The following SPICE1 variants were observed in gnomAD, a reference collection of about 807,000 sequenced individuals.
The protein encoded by SPICE1 is spindle and centriole-associated protein 1.
In SPICE1, 75 loss-of-function variants were observed where a neutral mutation model predicts 102.7. That is an observed-to-expected ratio of 0.73 (90% CI 0.61 to 0.88). The LOEUF is 0.88. Ranked by LOEUF, SPICE1 falls within the 40% of genes least tolerant of loss-of-function variation. The probability of loss-of-function intolerance (pLI) is 0.00; values close to 1 mark genes in which losing one functional copy is unlikely to be tolerated. For missense variants in SPICE1, 979 were observed against 1,020.1 expected (o/e 0.96, Z 0.55); for synonymous variants, 308 against 350.3 (o/e 0.88, Z 1.35).
intron 1 of SPICE1, among the ~76,000 whole-genome samples, chr3:113,509,041 T>C (rs1937167270): frequency 6.6e-6 from 1 of 152,108 alleles, no homozygotes; most frequent in East Asian, 1.9e-4. Flanking sequence ...AATAAGTAAA[T>C]CCACAGAGAC....
intron 7 of SPICE1, among the ~76,000 whole-genome samples, chr3:113,477,377 G>A (rs1936378187): frequency 6.6e-6 from 1 of 151,974 alleles, no homozygotes; most frequent in Non-Finnish European, 1.5e-5. Context: ...AGTCAGTGTG[G>A]CGATTCCTCA....
chr3:113,488,498 G>C (rs1936694775), intron 7 of SPICE1, among the ~76,000 whole-genome samples: 1 of 152,182 alleles, frequency 6.6e-6, no homozygotes, highest in Non-Finnish European at 1.5e-5. Context: ...AAGTAACTGA[G>C]GAATGGAAAA....
chr3:113,502,335 C>T (rs1937024608), intron 3 of SPICE1, among the ~76,000 whole-genome samples: 1 of 152,140 alleles, frequency 6.6e-6, no homozygotes, highest in Non-Finnish European at 1.5e-5. Flanking sequence ...GACATACATG[C>T]TACAACAGGG....
intron 17 of SPICE1, 93 bp from the exon 18 acceptor site, chr3:113,445,453 C>T: frequency 9.9e-7 from 1 of 1,006,024 alleles, no homozygotes; most frequent in Non-Finnish European, 1.5e-6. Context: ...GTGCATAAAA[C>T]AAAGTCATCC....
chr3:113,479,736 A>T (rs975961079), intron 7 of SPICE1, among the ~76,000 whole-genome samples: 2 of 152,226 alleles, frequency 1.3e-5, no homozygotes, highest in African/African-American at 4.8e-5. Flanking sequence ...ACCAGAATGT[A>T]TGGTACACAT....
At chr3:113,472,467 G>A (rs1004571842) in intron 7 of SPICE1, among the ~76,000 whole-genome samples, 13 of 152,344 alleles carry the variant, frequency 8.5e-5, no homozygotes, top group Admixed American at 1.3e-4. Flanking sequence ...ATCTGAGAAC[G>A]GGCAGATTGC....
intron 13 of SPICE1, among the ~76,000 whole-genome samples, chr3:113,456,769 C>T (rs1028561535): frequency 7.2e-5 from 11 of 152,120 alleles, no homozygotes; most frequent in South Asian, 4.1e-4. Context: ...TTCACCTTTC[C>T]TTAGTCTAAC....
Position 113,499,558 on chromosome 3 carries a change from A to G in SPICE1, c.172T>C (p.Ser58Pro). ...DLVRRHEIHK[S>P]KNRALVHWEL... ...CAGTGTACTAATGCTCTATTCTTCG[A>G]TTTGTGTATTTCATGACGGCGTACC... Residue 58 changes from serine (S) to proline (P), a missense_variant, in exon 4 of 18, where the codon TCG becomes CCG. By Grantham distance (74) the Ser-to-Pro change is moderately conservative. Transcript: ENST00000295872. 1 of 1,610,866 alleles carries G rather than the reference A, an allele frequency of 6.2e-7. No individual in the cohort carries two copies. The highest frequency in any genetic ancestry group is 8.5e-7 in the Non-Finnish European group (1 of 1,178,952).
chr3:113,457,380 A>G, intron 12 of SPICE1, 23 bp from the exon 13 acceptor site: 1 of 1,609,298 alleles, frequency 6.2e-7, no homozygotes, highest in Non-Finnish European at 8.5e-7. Context: ...AGAGGATATT[A>G]GTACAATAGG....
At chr3:113,475,498 C>G (rs1320558116) in intron 7 of SPICE1, among the ~76,000 whole-genome samples, 1 of 151,944 alleles carries the variant, frequency 6.6e-6, no homozygotes, top group Non-Finnish European at 1.5e-5. Context: ...GAATTTTAGA[C>G]CAATATCCTT....
intron 7 of SPICE1, among the ~76,000 whole-genome samples, chr3:113,478,955 ATCT>A (rs939187774): frequency 2.0e-5 from 3 of 152,008 alleles, no homozygotes; most frequent in Non-Finnish European, 2.9e-5. Context: ...TTTTTTTTAA[ATCT>A]TCTATTAGAC....
At chr3:113,486,236 C>A (rs1021215705) in intron 7 of SPICE1, among the ~76,000 whole-genome samples, 2 of 133,712 alleles carry the variant, frequency 1.5e-5, no homozygotes, top group African/African-American at 6.3e-5. Context: ...TATATATGCC[C>A]ACAAGAGAAA....
At chr3:113,455,182 A>T (rs1024385102) in intron 13 of SPICE1, among the ~76,000 whole-genome samples, 1 of 152,226 alleles carries the variant, frequency 6.6e-6, no homozygotes, top group Non-Finnish European at 1.5e-5. Flanking sequence ...AGTACTTTTT[A>T]AAAAACCATA....
chr3:113,473,901 A>G (rs930762424), intron 7 of SPICE1, among the ~76,000 whole-genome samples: 2 of 152,158 alleles, frequency 1.3e-5, no homozygotes, highest in Non-Finnish European at 2.9e-5. Context: ...TAATCAGCTA[A>G]CATCATAATG....
chr3:113,513,071 C>A (rs1033653691), intron 1 of SPICE1, among the ~76,000 whole-genome samples: 30 of 152,240 alleles, frequency 2.0e-4, no homozygotes, highest in African/African-American at 7.0e-4. Flanking sequence ...TATGGACAAA[C>A]AAACACACTG....
chr3:113,485,556 G>GA (rs1936625930), intron 7 of SPICE1, among the ~76,000 whole-genome samples: 1 of 151,658 alleles, frequency 6.6e-6, no homozygotes, highest in African/African-American at 2.4e-5. Context: ...AACATGTCTG[G>GA]AAAAAAAAGC....
rs778692837 is a variant in SPICE1 at position 113,445,327 on chromosome 3, G to A, written c.2548C>T (p.Leu850Phe). ...EKQNEEGWFA[L>F]STHVS ...TTCACTTATGATACATGGGTAGAAA[G>A]AGCAAACCAGCCTTCTTCATTCTGT... Residue 850 changes from leucine (L) to phenylalanine (F), a missense_variant, in exon 18 of 18, where the codon CTT becomes TTT. Physicochemically the swap from Leu to Phe is conservative, Grantham distance 22 (BLOSUM62 0). Coordinates refer to ENST00000295872, the MANE Select transcript of SPICE1 (RefSeq NM_144718.4). 8.1e-6 allele frequency: 13 copies of A among 1,612,692 alleles called. No homozygotes were observed. The highest frequency in any genetic ancestry group is 1.1e-5 in the Non-Finnish European group (13 of 1,179,362).
intron 9 of SPICE1, 49 bp from the exon 10 acceptor site, chr3:113,468,453 C>A (rs778023625): frequency 3.0e-5 from 47 of 1,563,568 alleles, no homozygotes; most frequent in Non-Finnish European, 3.5e-5. Context: ...AAAATTATGA[C>A]TAGAAAACTA....
chr3:113,477,864 C>T (rs1936393346), intron 7 of SPICE1, among the ~76,000 whole-genome samples: 1 of 150,982 alleles, frequency 6.6e-6, no homozygotes, highest in East Asian at 1.9e-4. Flanking sequence ...TGCAGCACAC[C>T]AGCATGGCAC....
Sources: allele counts gnomAD v4.1 joint callset (sites outside exome capture counted in the v4.1 genomes callset), GRCh38; gene constraint gnomAD v4.1.1; transcripts MANE v1.5; gene names NCBI Gene and HGNC (gene_info 2026-07-23, HGNC 2026-07-21).